The following MRTFB variants were observed in gnomAD, a reference collection of about 807,000 sequenced individuals.
MRTFB encodes myocardin-related transcription factor B.
In MRTFB, 29 loss-of-function variants were observed where a neutral mutation model predicts 104.2. The ratio of observed to expected loss-of-function variants is 0.28; its 90% CI spans 0.21 to 0.38. MRTFB has a LOEUF of 0.38. MRTFB is among the 10% of genes least tolerant of loss of function. MRTFB has a pLI of 1.00. For missense variants in MRTFB, 1,270 were observed against 1,341.6 expected (o/e 0.95, Z 0.83); for synonymous variants, 535 against 519.5 (o/e 1.03, Z -0.41).
the MRTFB span, among the ~76,000 whole-genome samples, chr16:14,030,296 T>C: frequency 0.41 from 62,389 of 152,024 alleles, 13,022 homozygotes; most frequent in Middle Eastern, 0.55. Context: ...AAAGCAGCCC[T>C]GTTCTGCTGA....
At chr16:14,192,755 C>G (rs1350665207) in intron 3 of MRTFB, among the ~76,000 whole-genome samples, 1 of 152,158 alleles carries the variant, frequency 6.6e-6, no homozygotes, top group Non-Finnish European at 1.5e-5. Flanking sequence ...TGCTGCAGAC[C>G]TGTGCTGCCA....
At chr16:14,022,286 G>T in the MRTFB span, among the ~76,000 whole-genome samples, 1 of 152,330 alleles carries the variant, frequency 6.6e-6, no homozygotes, top group African/African-American at 2.4e-5. Context: ...GTAATTGTGA[G>T]CAAATCCCTG....
intron 13 of MRTFB, among the ~76,000 whole-genome samples, chr16:14,250,285 G>A (rs2043201274): frequency 6.6e-6 from 1 of 152,196 alleles, no homozygotes; most frequent in African/African-American, 2.4e-5. Flanking sequence ...TCCTGCTTAT[G>A]AAATACAGAG....
chr16:14,062,713 G>A, the MRTFB span, among the ~76,000 whole-genome samples: 24 of 152,290 alleles, frequency 1.6e-4, no homozygotes, highest in East Asian at 1.4e-3. Context: ...CACTGGGAGG[G>A]CCAGAGAAAA....
intron 3 of MRTFB, chr16:14,148,597 C>A (rs2038445043): frequency 6.6e-6 from 1 of 152,630 alleles, no homozygotes; most frequent in Admixed American, 6.5e-5. Flanking sequence ...TCATGTTTTT[C>A]TGACTCCTTT....
At position 14,261,513 on chromosome 16, in the gene MRTFB, A is replaced by G; in HGVS notation, c.*69A>G. The G allele has an allele frequency of 7.7e-6, 11 of 1,431,920 alleles. No individual in the cohort carries two copies. The highest frequency in any genetic ancestry group is 1.0e-5 in the Non-Finnish European group (11 of 1,056,514). 88.7% of individuals were successfully genotyped at this position (1,431,920 alleles called of 1,614,324 possible). A position where few individuals can be genotyped will look rare whatever the true frequency, so the allele number is the denominator to read the frequency against. On this transcript the variant is annotated 3_prime_UTR_variant, in exon 17 of 17. Coordinates refer to ENST00000571589, the MANE Select transcript of MRTFB (RefSeq NM_001308142.2). ...TGAAGATTCTAAAAGGTCAGTTTTT[A>G]GAGATAGATCTATAGTTGCATTGTT...
the MRTFB span, among the ~76,000 whole-genome samples, chr16:14,000,978 C>T: frequency 6.6e-6 from 1 of 152,264 alleles, no homozygotes; most frequent in African/African-American, 2.4e-5. Flanking sequence ...GGCCCTTGGC[C>T]TGTGCCTGAT....
the MRTFB span, among the ~76,000 whole-genome samples, chr16:14,053,526 T>A: frequency 2.0e-5 from 3 of 150,860 alleles, no homozygotes; most frequent in Non-Finnish European, 4.4e-5. Context: ...AGGTCAGGAG[T>A]TCGAGACCAG....
chr16:14,077,954 C>T (rs984835766), intron 1 of MRTFB, among the ~76,000 whole-genome samples: 2 of 152,202 alleles, frequency 1.3e-5, no homozygotes, highest in African/African-American at 4.8e-5. Flanking sequence ...AACCAGAGAA[C>T]AAATTCAGCC....
At chr16:14,036,283 A>G in the MRTFB span, among the ~76,000 whole-genome samples, 3 of 77,634 alleles carry the variant, frequency 3.9e-5, no homozygotes, top group Non-Finnish European at 5.0e-5. Flanking sequence ...ATTTATATGT[A>G]TTTTATATAT....
chr16:14,008,411 T>G, the MRTFB span, among the ~76,000 whole-genome samples: 1 of 152,206 alleles, frequency 6.6e-6, no homozygotes, highest in Admixed American at 6.5e-5. Flanking sequence ...CTCACTTCAT[T>G]CTTTTGAATG....
intron 3 of MRTFB, among the ~76,000 whole-genome samples, chr16:14,192,727 G>A (rs2040242062): frequency 1.3e-5 from 2 of 152,148 alleles, no homozygotes; most frequent in South Asian, 4.1e-4. Flanking sequence ...TTACAGACTG[G>A]GGGCTGGGCC....
the MRTFB span, among the ~76,000 whole-genome samples, chr16:14,042,309 G>C: frequency 6.6e-6 from 1 of 152,104 alleles, no homozygotes; most frequent in Non-Finnish European, 1.5e-5. Flanking sequence ...ATTTTTAGTA[G>C]AGATGGATTT....
intron 3 of MRTFB, among the ~76,000 whole-genome samples, chr16:14,209,395 A>G (rs1201872630): frequency 6.6e-6 from 1 of 152,206 alleles, no homozygotes; most frequent in African/African-American, 2.4e-5. Flanking sequence ...ACTTAAAATC[A>G]CAGTGGAAAC....
intron 13 of MRTFB, among the ~76,000 whole-genome samples, chr16:14,250,006 A>G (rs1453571741): frequency 1.3e-5 from 2 of 152,176 alleles, no homozygotes; most frequent in African/African-American, 4.8e-5. Context: ...AGCTCGAAAT[A>G]CCATTTTAGT....
At chr16:14,210,785 A>G (rs1450242626) in intron 4 of MRTFB, among the ~76,000 whole-genome samples, 2 of 152,330 alleles carry the variant, frequency 1.3e-5, no homozygotes, top group East Asian at 3.9e-4. Flanking sequence ...TAAACATTCC[A>G]TTTATAATTC....
chr16:14,202,964 A>G (rs1357726361), intron 3 of MRTFB, among the ~76,000 whole-genome samples: 1 of 152,208 alleles, frequency 6.6e-6, no homozygotes, highest in African/African-American at 2.4e-5. Context: ...ATGTTTGCCA[A>G]AGTCCAACCA....
chr16:14,005,800 C>T, the MRTFB span, among the ~76,000 whole-genome samples: 5 of 152,316 alleles, frequency 3.3e-5, 1 homozygote, highest in African/African-American at 9.6e-5. Flanking sequence ...CCATCAAATA[C>T]ACATGTCCAG....
the MRTFB span, among the ~76,000 whole-genome samples, chr16:14,025,484 A>T: frequency 8.3e-4 from 127 of 152,278 alleles, no homozygotes; most frequent in Admixed American, 9.2e-4. Flanking sequence ...ACCTGGTAAG[A>T]TCTTGTTAGG....
Sources: allele counts gnomAD v4.1 joint callset (sites outside exome capture counted in the v4.1 genomes callset), GRCh38; gene constraint gnomAD v4.1.1; transcripts MANE v1.5; gene names NCBI Gene and HGNC (gene_info 2026-07-23, HGNC 2026-07-21).